The following KCNQ5 variants were observed in gnomAD, a reference collection of about 807,000 sequenced individuals.
KCNQ5 encodes potassium voltage-gated channel subfamily KQT member 5.
Under a neutral mutation model 98.2 loss-of-function variants are expected in KCNQ5, and 30 were observed. That is an observed-to-expected ratio of 0.31 (90% CI 0.23 to 0.41). KCNQ5 has a LOEUF of 0.41. KCNQ5 is among the 10% of genes least tolerant of loss of function. The probability of loss-of-function intolerance (pLI) is 1.00; values close to 1 mark genes in which losing one functional copy is unlikely to be tolerated. For synonymous variants in KCNQ5, 458 were observed against 449.4 expected (o/e 1.02, Z -0.24); for missense variants, 835 against 1,182.5 (o/e 0.71, Z 4.31).
intron 1 of KCNQ5, among the ~76,000 whole-genome samples, chr6:72,822,291 G>A (rs2150114914): frequency 6.6e-6 from 1 of 152,300 alleles, no homozygotes; most frequent in Admixed American, 6.5e-5. Context: ...ATCTGCCACT[G>A]TATGTGGTCA....
At chr6:73,106,722 G>T (rs1490862253) in intron 6 of KCNQ5, among the ~76,000 whole-genome samples, 1 of 152,216 alleles carries the variant, frequency 6.6e-6, no homozygotes, top group East Asian at 1.9e-4. Context: ...AGGTCATGGG[G>T]ATTAGGACTT....
At chr6:72,942,064 C>T (rs1050583589) in intron 1 of KCNQ5, among the ~76,000 whole-genome samples, 12 of 152,102 alleles carry the variant, frequency 7.9e-5, no homozygotes, top group African/African-American at 2.4e-4. Flanking sequence ...CTACAGAGAA[C>T]CTGTGGCCTG....
chr6:73,037,530 A>T (rs1282185775), intron 2 of KCNQ5, among the ~76,000 whole-genome samples: 4 of 152,176 alleles, frequency 2.6e-5, no homozygotes, highest in Admixed American at 2.6e-4. Context: ...TTTTTAAATG[A>T]TTATCATAAG....
intron 3 of KCNQ5, among the ~76,000 whole-genome samples, chr6:73,054,230 G>A (rs1165031054): frequency 6.6e-6 from 1 of 152,084 alleles, no homozygotes; most frequent in Non-Finnish European, 1.5e-5. Flanking sequence ...AAAAGCCCGG[G>A]ACCAGAGGGA....
At chr6:73,111,092 G>C (rs951556564) in intron 6 of KCNQ5, among the ~76,000 whole-genome samples, 2 of 152,178 alleles carry the variant, frequency 1.3e-5, no homozygotes, top group African/African-American at 4.8e-5. Flanking sequence ...CTAAAGAACA[G>C]AAGTTGTATC....
intron 10 of KCNQ5, among the ~76,000 whole-genome samples, chr6:73,154,066 T>A (rs1032418459): frequency 1.3e-5 from 2 of 152,140 alleles, no homozygotes; most frequent in Non-Finnish European, 1.5e-5. Flanking sequence ...CAGATATGGA[T>A]ACCTAGAGGC....
intron 1 of KCNQ5, among the ~76,000 whole-genome samples, chr6:72,685,629 T>G (rs559899326): frequency 2.6e-5 from 4 of 152,346 alleles, no homozygotes; most frequent in South Asian, 4.2e-4. Context: ...ATATTATGCC[T>G]TAGCAGTTTA....
intron 1 of KCNQ5, among the ~76,000 whole-genome samples, chr6:72,698,505 T>G (rs1768621036): frequency 6.6e-6 from 1 of 151,858 alleles, no homozygotes; most frequent in South Asian, 2.1e-4. Context: ...ACCTGGCTTG[T>G]TTTGTTTGTT....
chr6:73,174,237 A>C (rs769222713), intron 11 of KCNQ5, among the ~76,000 whole-genome samples: 13 of 152,058 alleles, frequency 8.5e-5, no homozygotes, highest in Non-Finnish European at 1.5e-4. Flanking sequence ...TTTTAAGGCC[A>C]CTCTTAATAA....
chr6:73,187,250 G>A (rs947735985), intron 11 of KCNQ5, among the ~76,000 whole-genome samples: 13 of 151,922 alleles, frequency 8.6e-5, no homozygotes, highest in Non-Finnish European at 1.6e-4. Context: ...TAGTAGAGAT[G>A]GGGTTTCACC....
chr6:73,002,059 G>A (rs1374613849), intron 1 of KCNQ5, among the ~76,000 whole-genome samples: 2 of 152,170 alleles, frequency 1.3e-5, no homozygotes, highest in African/African-American at 4.8e-5. Flanking sequence ...AGGAGTTCAA[G>A]GTTAAAGTTA....
intron 1 of KCNQ5, among the ~76,000 whole-genome samples, chr6:72,913,969 T>C (rs1401604945): frequency 6.6e-6 from 1 of 152,156 alleles, no homozygotes; most frequent in Non-Finnish European, 1.5e-5. Flanking sequence ...CTTCTCTGGG[T>C]CTGTGTGTCA....
intron 5 of KCNQ5, 93 bp downstream of exon 5, chr6:73,077,980 A>T: frequency 9.7e-7 from 1 of 1,032,226 alleles, no homozygotes; most frequent in Non-Finnish European, 1.4e-6. Context: ...TTTCAATAAA[A>T]ATATTAAATT....
chr6:72,790,703 G>T (rs1258117335), intron 1 of KCNQ5, among the ~76,000 whole-genome samples: 2 of 152,142 alleles, frequency 1.3e-5, no homozygotes, highest in Admixed American at 1.3e-4. Flanking sequence ...AAATGCTTAA[G>T]GGGATGGATA....
At chr6:72,854,852 C>T (rs1777460690) in intron 1 of KCNQ5, among the ~76,000 whole-genome samples, 1 of 150,860 alleles carries the variant, frequency 6.6e-6, no homozygotes, top group South Asian at 2.1e-4. Context: ...TATGAGTTCA[C>T]AATTTTCCAA....
At chr6:73,074,819 T>C (rs916842186) in intron 3 of KCNQ5, among the ~76,000 whole-genome samples, 1 of 152,046 alleles carries the variant, frequency 6.6e-6, no homozygotes, top group Non-Finnish European at 1.5e-5. Flanking sequence ...TTAAGTGTAG[T>C]ATTTTCTGCA....
chr6:73,140,141 G>A (rs1582431404), intron 10 of KCNQ5, among the ~76,000 whole-genome samples: 2 of 152,134 alleles, frequency 1.3e-5, no homozygotes, highest in Admixed American at 1.3e-4. Flanking sequence ...ACAGTCTCTT[G>A]TATCCATAAT....
chr6:73,010,369 A>G (rs1292405750), intron 2 of KCNQ5, among the ~76,000 whole-genome samples: 4 of 152,064 alleles, frequency 2.6e-5, no homozygotes, highest in African/African-American at 9.7e-5. Flanking sequence ...CTACCTCAAC[A>G]TGATAAAAGC....
intron 1 of KCNQ5, chr6:72,678,472 C>T (rs1315930143): frequency 2.0e-5 from 3 of 152,036 alleles, no homozygotes; most frequent in Admixed American, 1.3e-4. Context: ...CATTACCCTA[C>T]ATTATTATTC....
Sources: allele counts gnomAD v4.1 joint callset (sites outside exome capture counted in the v4.1 genomes callset), GRCh38; gene constraint gnomAD v4.1.1; transcripts MANE v1.5; gene names NCBI Gene and HGNC (gene_info 2026-07-23, HGNC 2026-07-21).